Variants in SEMA3A observed in about 807,000 individuals in gnomAD.
SEMA3A encodes semaphorin-3A.
In SEMA3A, 29 loss-of-function variants were observed where a neutral mutation model predicts 97.9. The ratio of observed to expected loss-of-function variants is 0.30; its 90% CI spans 0.22 to 0.40. The LOEUF is 0.40. Ranked by LOEUF, SEMA3A falls within the 10% of genes least tolerant of loss-of-function variation. The probability of loss-of-function intolerance (pLI) is 1.00; values close to 1 mark genes in which losing one functional copy is unlikely to be tolerated. For missense variants in SEMA3A, 763 were observed against 951.3 expected, an observed-to-expected ratio of 0.80 and a Z score of 2.60; for synonymous variants, 321 against 323.7, an observed-to-expected ratio of 0.99 and a Z score of 0.09.
At chr7:84,312,097 G>T (rs1801336003) in intron 2 of SEMA3A, among the ~76,000 whole-genome samples, 1 of 151,916 alleles carries the variant, frequency 6.6e-6, no homozygotes, top group Non-Finnish European at 1.5e-5. Context: ...AATTGGCCAT[G>T]AATGTGTATG....
At chr7:84,448,456 A>C (rs1047960867) in intron 1 of SEMA3A, among the ~76,000 whole-genome samples, 1 of 152,204 alleles carries the variant, frequency 6.6e-6, no homozygotes, top group Non-Finnish European at 1.5e-5. Flanking sequence ...GTAGCAGGAT[A>C]CAAAGACAAC....
intron 4 of SEMA3A, among the ~76,000 whole-genome samples, chr7:84,080,062 A>G (rs1207028734): frequency 6.9e-6 from 1 of 144,612 alleles, no homozygotes; most frequent in East Asian, 2.1e-4. Context: ...AGGGACATGG[A>G]TGAAATTGGA....
At chr7:84,295,411 A>C (rs1800844712) in intron 3 of SEMA3A, among the ~76,000 whole-genome samples, 1 of 151,898 alleles carries the variant, frequency 6.6e-6, no homozygotes, top group African/African-American at 2.4e-5. Flanking sequence ...TTGGGGCAAA[A>C]TTTTTCAAAA....
chr7:84,206,543 C>T (rs1308176563), intron 3 of SEMA3A, among the ~76,000 whole-genome samples: 8 of 151,948 alleles, frequency 5.3e-5, no homozygotes, highest in Non-Finnish European at 8.8e-5. Context: ...AGGATGGTTG[C>T]GATCTCCTGA....
At chr7:84,154,397 G>T (rs1162488738) in intron 1 of SEMA3A, among the ~76,000 whole-genome samples, 1 of 151,892 alleles carries the variant, frequency 6.6e-6, no homozygotes, top group Non-Finnish European at 1.5e-5. Flanking sequence ...AGGTGATGAC[G>T]CCGGGTACGA....
intron 9 of SEMA3A, among the ~76,000 whole-genome samples, chr7:84,008,949 T>C (rs1790775009): frequency 6.6e-6 from 1 of 152,192 alleles, no homozygotes. Flanking sequence ...TTGCTTATCT[T>C]TGATTAAGTC....
At chr7:84,220,186 A>C (rs904637901) in intron 3 of SEMA3A, among the ~76,000 whole-genome samples, 1 of 152,198 alleles carries the variant, frequency 6.6e-6, no homozygotes, top group Non-Finnish European at 1.5e-5. Context: ...CTATTTTAAG[A>C]AACCACTTTC....
chr7:84,407,576 A>G (rs948793386), intron 1 of SEMA3A, among the ~76,000 whole-genome samples: 3 of 151,368 alleles, frequency 2.0e-5, no homozygotes, highest in Admixed American at 6.6e-5. Context: ...AAAAGAGCCC[A>G]CATTGCCAAG....
intron 2 of SEMA3A, among the ~76,000 whole-genome samples, chr7:84,130,975 C>T (rs1740769258): frequency 6.6e-6 from 1 of 151,796 alleles, no homozygotes; most frequent in African/African-American, 2.4e-5. Context: ...ACAGTATAGA[C>T]CTCATTTTAT....
At chr7:84,427,652 A>AAAG (rs999365936) in intron 1 of SEMA3A, among the ~76,000 whole-genome samples, 31 of 143,316 alleles carry the variant, frequency 2.2e-4, no homozygotes, top group Non-Finnish European at 4.2e-4. Context: ...TCTGTCTCAA[A>AAAG]AAAAAAAAAA....
intron 12 of SEMA3A, among the ~76,000 whole-genome samples, chr7:83,993,350 C>A (rs1205002255): frequency 6.7e-6 from 1 of 150,300 alleles, no homozygotes; most frequent in African/African-American, 2.5e-5. Flanking sequence ...GAATTTGATC[C>A]TGTCATTATG....
intron 1 of SEMA3A, among the ~76,000 whole-genome samples, chr7:84,429,515 G>GA (rs1804912586): frequency 3.1e-4 from 11 of 35,730 alleles, no homozygotes; most frequent in African/African-American, 2.4e-3. Context: ...TATAGAGTTT[G>GA]TTATATATAT....
chr7:84,368,333 A>C (rs1229858667), intron 2 of SEMA3A, among the ~76,000 whole-genome samples: 1 of 151,200 alleles, frequency 6.6e-6, no homozygotes, highest in African/African-American at 2.4e-5. Flanking sequence ...CCCGCATGTC[A>C]CAACCACTTA....
chr7:84,425,852 TAA>T (rs1804809632), intron 1 of SEMA3A, among the ~76,000 whole-genome samples: 1 of 28,256 alleles, frequency 3.5e-5, no homozygotes, highest in Non-Finnish European at 6.6e-5. Context: ...AATGTTTATA[TAA>T]CACACACACA....
chr7:84,154,463 G>A (rs979008710), intron 1 of SEMA3A, among the ~76,000 whole-genome samples: 5 of 151,956 alleles, frequency 3.3e-5, no homozygotes, highest in Admixed American at 3.3e-4. Context: ...GGATCACAAG[G>A]TCAGGAGTTC....
chr7:84,059,619 T>C (rs1200467832), intron 5 of SEMA3A, among the ~76,000 whole-genome samples: 1 of 151,896 alleles, frequency 6.6e-6, no homozygotes, highest in Non-Finnish European at 1.5e-5. Flanking sequence ...TGTTGTGCTA[T>C]TAAATAATTC....
At chr7:84,471,518 G>A (rs1007342185) in intron 1 of SEMA3A, among the ~76,000 whole-genome samples, 1 of 152,018 alleles carries the variant, frequency 6.6e-6, no homozygotes, top group Non-Finnish European at 1.5e-5. Context: ...GTCTATGCGG[G>A]AAGAATCAAA....
At chr7:84,375,069 G>A (rs1265687457) in intron 1 of SEMA3A, among the ~76,000 whole-genome samples, 1 of 152,126 alleles carries the variant, frequency 6.6e-6, no homozygotes, top group Non-Finnish European at 1.5e-5. Context: ...ACCCAGGCTA[G>A]AGTATAGTGG....
chr7:84,470,728 T>A (rs1230179729), intron 1 of SEMA3A, among the ~76,000 whole-genome samples: 1 of 152,098 alleles, frequency 6.6e-6, no homozygotes, highest in Non-Finnish European at 1.5e-5. Flanking sequence ...CACTTCTCTT[T>A]TAGCAATAGT....
Sources: allele counts gnomAD v4.1 joint callset (sites outside exome capture counted in the v4.1 genomes callset), GRCh38; gene constraint gnomAD v4.1.1; transcripts MANE v1.5; gene names NCBI Gene and HGNC (gene_info 2026-07-23, HGNC 2026-07-21).